BRF1: variants seen among roughly 807,000 people sequenced by gnomAD.
BRF1 encodes the protein transcription factor IIIB 90 kDa subunit.
In BRF1, 59 loss-of-function variants were observed where a neutral mutation model predicts 81.7. The ratio of observed to expected loss-of-function variants is 0.72; its 90% CI spans 0.59 to 0.90. The LOEUF (loss-of-function observed/expected upper bound fraction) is 0.90. Among genes scored for constraint, BRF1 ranks in the 40% least tolerant of loss-of-function variants. BRF1 has a pLI of 0.00. For missense variants in BRF1, 1,050 were observed against 936.3 expected, an observed-to-expected ratio of 1.12 and a Z score of -1.58; for synonymous variants, 491 against 395.6, an observed-to-expected ratio of 1.24 and a Z score of -2.86.
chr14:105,215,179 GCA>G, intron 15 of BRF1, among the ~76,000 whole-genome samples: 1 of 152,248 alleles, frequency 6.6e-6, no homozygotes, highest in East Asian at 1.9e-4. Flanking sequence ...ACTCACAGAT[GCA>G]CACACACTGC....
intron 8 of BRF1, 69 bp from the exon 9 acceptor site, chr14:105,226,359 C>T (rs967108076): frequency 8.1e-6 from 13 of 1,597,654 alleles, no homozygotes; most frequent in South Asian, 7.7e-5. Flanking sequence ...TCTGGGGTGC[C>T]GCGTGGGCCC....
chr14:105,229,547 C>T (rs961172885), intron 6 of BRF1, among the ~76,000 whole-genome samples: 1 of 152,216 alleles, frequency 6.6e-6, no homozygotes. Flanking sequence ...ACGGCCACAT[C>T]CACCCACCAG....
At chr14:105,249,949 G>A in intron 5 of BRF1, 2 of 1,612,076 alleles carry the variant, frequency 1.2e-6, no homozygotes, top group Non-Finnish European at 1.7e-6. Flanking sequence ...ACACCAAAGA[G>A]GCGGTGGTCT....
chr14:105,280,926 G>A (rs587598080), intron 2 of BRF1, among the ~76,000 whole-genome samples: 1 of 146,968 alleles, frequency 6.8e-6, no homozygotes, highest in Non-Finnish European at 1.5e-5. Context: ...CTGAGCCCAG[G>A]TGTGTGGACA....
At chr14:105,273,590 T>A (rs1282795448) in intron 2 of BRF1, among the ~76,000 whole-genome samples, 1 of 152,180 alleles carries the variant, frequency 6.6e-6, no homozygotes, top group African/African-American at 2.4e-5. Flanking sequence ...AATCTGTAAC[T>A]CTGCCCCAGC....
Position 105,210,485 on chromosome 14 carries a change from C to T in BRF1, c.*66G>A. The T allele has an allele frequency of 6.3e-7, 1 of 1,583,938 alleles. No individual in the cohort carries two copies. Among genetic ancestry groups the T allele is most frequent in the Non-Finnish European group, 8.6e-7 (1 of 1,166,116 alleles). On this transcript the variant is annotated 3_prime_UTR_variant, in exon 18 of 18. Transcript: ENST00000547530. The surrounding 1 kb of genome is among the most constrained non-coding windows in gnomAD (Gnocchi z 4.7). Reference sequence around the variant, plus strand: ...GGCCTGCCTGCTGCGGTCCTGGAAGCCCGTCTGATGCTGAGGAGACCCGCG... The same window carrying T: ...GGCCTGCCTGCTGCGGTCCTGGAAGTCCGTCTGATGCTGAGGAGACCCGCG...
chr14:105,266,987 G>A (rs941712415), intron 3 of BRF1, among the ~76,000 whole-genome samples: 1 of 152,088 alleles, frequency 6.6e-6, no homozygotes, highest in African/African-American at 2.4e-5. Context: ...AAGCTGCAGT[G>A]AGCCAAGACT....
Position 105,241,306 on chromosome 14 carries a change from C to G in BRF1, c.653G>C (p.Trp218Ser). 1.2e-6 allele frequency: 2 copies of G among 1,612,672 alleles called. No homozygotes were observed. Among genetic ancestry groups the G allele is most frequent in the Non-Finnish European group, 8.5e-7 (1 of 1,179,918 alleles). ...CGAGGGGCGCCGGCCTGTGTGCATC[C>G]AGTCCCGCTTCATCCTCTGTAGGAG... Reference protein sequence around the residue: ...LRLLQRMKRDWMHTGRRPSGL... With the variant: ...LRLLQRMKRDSMHTGRRPSGL... The change falls in exon 6 of 18, where the codon TGG becomes TCG. Residue 218 changes from tryptophan (W) to serine (S), a missense_variant. Trp to Ser is a radical substitution (Grantham distance 177). Transcript: ENST00000547530.
At position 105,210,309 on chromosome 14, in the gene BRF1, C is replaced by A; in HGVS notation, c.*242G>T. On this transcript the variant is annotated 3_prime_UTR_variant, in exon 18 of 18. Transcript: ENST00000547530. This position sits in a 1 kb window ranked among gnomAD's most constrained non-coding sequence, Gnocchi z 4.7. The stretch of plus-strand genomic sequence containing the variant: ...CGACGGCAGGCAGCGGGACCCAGCC[C>A]TGCACACACCCGGCCCACATCTGAT... 1.8e-6 allele frequency: 1 copy of A among 552,646 alleles called. No individual in the cohort carries two copies. The highest frequency in any genetic ancestry group is 3.3e-6 in the Non-Finnish European group (1 of 306,718). The allele number at this position is 552,646 out of a possible 1,614,324, so 34.2% of individuals were successfully genotyped here. A position where few individuals can be genotyped will look rare whatever the true frequency, so the allele number is the denominator to read the frequency against.
intron 15 of BRF1, among the ~76,000 whole-genome samples, chr14:105,214,000 C>A (rs1890603252): frequency 6.6e-6 from 1 of 152,236 alleles, no homozygotes; most frequent in Non-Finnish European, 1.5e-5. Context: ...ATGGCTTTGG[C>A]CTGTACGGGG....
At chr14:105,296,512 C>CAA (rs776092536) in intron 1 of BRF1, among the ~76,000 whole-genome samples, 39 of 136,492 alleles carry the variant, frequency 2.9e-4, no homozygotes, top group Admixed American at 2.4e-3. Flanking sequence ...GACGCCGTCT[C>CAA]AAAAAAAAAA....
chr14:105,213,846 G>A (rs1212017908), intron 15 of BRF1, among the ~76,000 whole-genome samples: 1 of 152,186 alleles, frequency 6.6e-6, no homozygotes, highest in Non-Finnish European at 1.5e-5. Context: ...AAGGGCTCCT[G>A]GGGTCTGCGG....
At chr14:105,308,947 C>G (rs2058270112) in intron 1 of BRF1, among the ~76,000 whole-genome samples, 1 of 151,798 alleles carries the variant, frequency 6.6e-6, no homozygotes, top group Non-Finnish European at 1.5e-5. Context: ...GCACTCCAGC[C>G]TGGTTGACAG....
intron 10 of BRF1, among the ~76,000 whole-genome samples, chr14:105,224,814 C>T (rs587772325): frequency 1.6e-4 from 24 of 152,286 alleles, no homozygotes; most frequent in African/African-American, 2.2e-4. Flanking sequence ...CAAAGTGCTG[C>T]GATTACAGGC....
chr14:105,260,431 G>A (rs2056095848), intron 3 of BRF1, among the ~76,000 whole-genome samples: 1 of 151,924 alleles, frequency 6.6e-6, no homozygotes, highest in South Asian at 2.1e-4. Flanking sequence ...GAGTGCAATG[G>A]TACAATCTTG....
intron 7 of BRF1, 110 bp downstream of exon 7, chr14:105,228,710 G>C (rs771018121): frequency 1.8e-5 from 23 of 1,266,116 alleles, no homozygotes; most frequent in Admixed American, 3.6e-5. Context: ...CCAGCAGCCA[G>C]GCGGGGGACG....
rs888471252 is a variant in BRF1, at chr14:105,248,413, T to C, written c.544+4094A>G. ...AGCGCCGGGAGCCGCCTTCCACGGC[T>C]ACCTCTGCACAGCGCGCGGCTCGCG... On this transcript the variant is annotated intron_variant, in intron 5 of 17. Coordinates refer to ENST00000547530, the MANE Select transcript of BRF1 (RefSeq NM_001519.4). 3.0e-5 allele frequency: 30 copies of C among 985,342 alleles called. No homozygotes were observed. In the African/African-American group the frequency reaches 5.1e-4, roughly 17 times the overall value. The allele number at this position is 985,342 out of a possible 1,614,324, so 61.0% of individuals were successfully genotyped here.
chr14:105,255,308 A>G (rs1454311609), intron 4 of BRF1, among the ~76,000 whole-genome samples: 1 of 152,262 alleles, frequency 6.6e-6, no homozygotes, highest in Non-Finnish European at 1.5e-5. Context: ...TCACAATTCC[A>G]GCAGACTATT....
At chr14:105,257,678 C>T (rs945285264) in intron 3 of BRF1, among the ~76,000 whole-genome samples, 6 of 152,160 alleles carry the variant, frequency 3.9e-5, no homozygotes, top group South Asian at 2.1e-4. Context: ...ATGAGAAGAC[C>T]GGCGGCAGGG....
Sources: allele counts gnomAD v4.1 joint callset (sites outside exome capture counted in the v4.1 genomes callset), GRCh38; gene constraint gnomAD v4.1.1; non-coding constraint Gnocchi (gnomAD v3.1); transcripts MANE v1.5; gene names NCBI Gene and HGNC (gene_info 2026-07-23, HGNC 2026-07-21).